The following MICAL2 variants were observed in gnomAD, a reference collection of about 807,000 sequenced individuals.
MICAL2 encodes microtubule associated monooxygenase, calponin and LIM domain containing 2.
Under a neutral mutation model 127.3 loss-of-function variants are expected in MICAL2, and 77 were observed. The ratio of observed to expected loss-of-function variants is 0.60; its 90% CI spans 0.50 to 0.73. The LOEUF is 0.73. Among genes scored for constraint, MICAL2 ranks in the 30% least tolerant of loss-of-function variants. The probability of loss-of-function intolerance (pLI) is 0.00; values close to 1 mark genes in which losing one functional copy is unlikely to be tolerated. For synonymous variants in MICAL2, 570 were observed against 551.1 expected (o/e 1.03, Z -0.48); for missense variants, 1,351 against 1,434.4 (o/e 0.94, Z 0.94).
At chr11:12,245,930 G>A (rs1009339016) in intron 21 of MICAL2, among the ~76,000 whole-genome samples, 9 of 152,230 alleles carry the variant, frequency 5.9e-5, no homozygotes, top group Non-Finnish European at 1.5e-5. Flanking sequence ...AGTGGCTTGT[G>A]CCCATAGTTG....
chr11:12,155,674 C>T (rs1050125126), intron 2 of MICAL2, among the ~76,000 whole-genome samples: 1 of 152,194 alleles, frequency 6.6e-6, no homozygotes. Context: ...TTTTTAAGGC[C>T]TTTGCTTTTT....
chr11:12,162,382 AAG>A lies in MICAL2; in HGVS notation c.230_231del (p.Glu77ValfsTer2). ...AAATTGGATAAGCGTGGTTCCCACA[AAG>A]AGTATAAGCGAGGGAAGTCGTGCAC... is the stretch of plus-strand genomic sequence containing the variant. On this transcript the variant is annotated frameshift_variant, in exon 3 of 28. Transcript: ENST00000683283. LOFTEE classifies it high-confidence loss of function. 1 of 1,614,268 alleles carries A rather than the reference AAG, an allele frequency of 6.2e-7. No individual in the cohort carries two copies. Among genetic ancestry groups the A allele is most frequent in the Non-Finnish European group, 8.5e-7 (1 of 1,180,046 alleles).
chr11:12,262,158 A>C, intron 26 of MICAL2: 1 of 1,212,860 alleles, frequency 8.2e-7, no homozygotes, highest in Non-Finnish European at 1.0e-6. Flanking sequence ...TGGACCCCCG[A>C]GGATGAATGC....
At chr11:12,151,712 A>G (rs1444185331) in intron 2 of MICAL2, among the ~76,000 whole-genome samples, 2 of 152,152 alleles carry the variant, frequency 1.3e-5, no homozygotes, top group Non-Finnish European at 2.9e-5. Flanking sequence ...AAAAACCACT[A>G]TGGGGGATTC....
intron 29 of MICAL2, among the ~76,000 whole-genome samples, chr11:12,311,401 A>ATTTGT (rs1565301840): frequency 3.3e-5 from 5 of 150,190 alleles, no homozygotes; most frequent in African/African-American, 1.2e-4. Flanking sequence ...TTGGTTTCTT[A>ATTTGT]TTTATTTTAT....
At chr11:12,326,677 C>T (rs529981731) in intron 31 of MICAL2, among the ~76,000 whole-genome samples, 2 of 152,294 alleles carry the variant, frequency 1.3e-5, no homozygotes, top group African/African-American at 4.8e-5. Context: ...AACAGGAGCA[C>T]GAAACCCCGG....
chr11:12,242,881 C>A (rs1860179007), intron 20 of MICAL2, 109 bp downstream of exon 20: 1 of 704,070 alleles, frequency 1.4e-6, no homozygotes, highest in Non-Finnish European at 2.3e-6. Context: ...CCTTTTAGAG[C>A]ATGAAGAGCT....
intron 29 of MICAL2, among the ~76,000 whole-genome samples, chr11:12,313,344 G>A (rs1864196389): frequency 6.6e-6 from 1 of 152,152 alleles, no homozygotes; most frequent in African/African-American, 2.4e-5. Flanking sequence ...GGAAGAGGGA[G>A]TCTAGTTTCT....
At chr11:12,201,510 T>A (rs530672352) in intron 3 of MICAL2, among the ~76,000 whole-genome samples, 1 of 151,940 alleles carries the variant, frequency 6.6e-6, no homozygotes, top group East Asian at 2.0e-4. Context: ...GACGCCTTGC[T>A]GGGGGTAGTC....
At chr11:12,297,942 T>G (rs1864005765) in intron 29 of MICAL2, among the ~76,000 whole-genome samples, 1 of 151,828 alleles carries the variant, frequency 6.6e-6, no homozygotes, top group Non-Finnish European at 1.5e-5. Flanking sequence ...TTTTAGGTAT[T>G]TTACTATCTG....
At chr11:12,306,637 C>G (rs914199061) in intron 29 of MICAL2, among the ~76,000 whole-genome samples, 8 of 152,118 alleles carry the variant, frequency 5.3e-5, no homozygotes, top group Admixed American at 4.6e-4. Context: ...ATTCCCAGTC[C>G]CTGGAAAACA....
chr11:12,180,684 G>C (rs538563495), intron 3 of MICAL2, among the ~76,000 whole-genome samples: 10 of 152,134 alleles, frequency 6.6e-5, no homozygotes, highest in Middle Eastern at 3.4e-3. Context: ...GGAAACTGAG[G>C]CTTCACTGGG....
chr11:12,163,631 C>G (rs1314714029), intron 3 of MICAL2: 3 of 152,258 alleles, frequency 2.0e-5, no homozygotes, highest in Non-Finnish European at 4.4e-5. Context: ...GACTAGCTAT[C>G]CAGGCAGTGC....
chr11:12,229,214 A>G (rs1857881811), intron 15 of MICAL2, among the ~76,000 whole-genome samples: 1 of 152,188 alleles, frequency 6.6e-6, no homozygotes, highest in Non-Finnish European at 1.5e-5. Context: ...TGCCAACCCC[A>G]GGAGCAGGAT....
intron 1 of MICAL2, among the ~76,000 whole-genome samples, chr11:12,127,427 A>AG (rs1270353562): frequency 6.6e-6 from 1 of 152,230 alleles, no homozygotes; most frequent in African/African-American, 2.4e-5. Context: ...CATTCCCAGA[A>AG]GGGGAGAGGG....
chr11:12,303,927 C>T (rs574014673), intron 29 of MICAL2: 1 of 152,206 alleles, frequency 6.6e-6, no homozygotes, highest in Non-Finnish European at 1.5e-5. Context: ...GTCCCACCTA[C>T]TCAGCAGGTG....
chr11:12,242,823 C>CAT, intron 20 of MICAL2, 51 bp downstream of exon 20: 1 of 1,380,034 alleles, frequency 7.2e-7, no homozygotes, highest in Non-Finnish European at 1.0e-6. Flanking sequence ...GGACATCCAG[C>CAT]CAGGTGACCT....
At chr11:12,231,660 C>T (rs1858290124) in intron 15 of MICAL2, among the ~76,000 whole-genome samples, 1 of 152,200 alleles carries the variant, frequency 6.6e-6, no homozygotes, top group South Asian at 2.1e-4. Context: ...TTACGAACTT[C>T]CTCTCACCTC....
intron 2 of MICAL2, among the ~76,000 whole-genome samples, chr11:12,156,256 G>A (rs961355107): frequency 2.4e-4 from 37 of 152,266 alleles, no homozygotes; most frequent in Admixed American, 5.9e-4. Context: ...TTGGCCTTTC[G>A]TAGTAGGGGT....
Sources: gnomAD v4.1 joint callset for allele counts (sites outside exome capture counted in the v4.1 genomes callset) on GRCh38, gnomAD v4.1.1 for gene constraint, MANE v1.5 for transcripts, NCBI Gene and HGNC (gene_info 2026-07-23, HGNC 2026-07-21) for gene names.